Variants in ANKRD24 observed in about 807,000 individuals in gnomAD.
ANKRD24 encodes the protein ankyrin repeat domain-containing protein 24.
ANKRD24 carries 109 observed loss-of-function variants against 127.8 expected under a neutral mutation model. That is an observed-to-expected ratio of 0.85 (90% CI 0.73 to 1.00). The LOEUF is 1.00. ANKRD24 is among the 50% of genes least tolerant of loss of function. ANKRD24 has a pLI of 0.00. For missense variants in ANKRD24, 1,648 were observed against 1,570.2 expected (o/e 1.05, Z -0.84); for synonymous variants, 743 against 671.1 (o/e 1.11, Z -1.66).
In ANKRD24 at chr19:4,199,494, G is replaced by A; in HGVS notation, c.37-189G>A. 1.0e-6 allele frequency: 1 copy of A among 985,426 alleles called. No homozygotes were observed. The highest frequency in any genetic ancestry group is 1.7e-5 in the African/African-American group (1 of 57,384). The allele number at this position is 985,426 out of a possible 1,614,324, so 61.0% of individuals were successfully genotyped here. ...CCCCAGATGCTGGGACTACAGGCGT[G>A]AGCCTCCATGCTCAGCCCAGGGGAC... On this transcript the variant is annotated intron_variant, in intron 2 of 21. Transcript: ENST00000318934. This position sits in a 1 kb window ranked among gnomAD's most constrained non-coding sequence, Gnocchi z 5.2.
At chr19:4,206,264 G>A (rs1288249788) in intron 7 of ANKRD24, among the ~76,000 whole-genome samples, 1 of 151,794 alleles carries the variant, frequency 6.6e-6, no homozygotes, top group African/African-American at 2.4e-5. Context: ...GGAGCCAGAG[G>A]CAGGAGGATT....
chr19:4,191,937 A>C (rs1478045407), intron 2 of ANKRD24, among the ~76,000 whole-genome samples: 2 of 134,966 alleles, frequency 1.5e-5, no homozygotes, highest in East Asian at 4.0e-4. Flanking sequence ...GCCTATCACC[A>C]CGTCTAGCTA....
At chr19:4,193,138 T>TA (rs1286439360) in intron 2 of ANKRD24, among the ~76,000 whole-genome samples, 3 of 150,550 alleles carry the variant, frequency 2.0e-5, no homozygotes, top group Non-Finnish European at 4.4e-5. Flanking sequence ...CCGTATCTAC[T>TA]AAAAAATACA....
chr19:4,208,382 C>T (rs917845260), intron 10 of ANKRD24, among the ~76,000 whole-genome samples: 8 of 152,126 alleles, frequency 5.3e-5, no homozygotes, highest in African/African-American at 1.9e-4. Context: ...AAGCAATTCT[C>T]CTGCCTCACC....
intron 2 of ANKRD24, among the ~76,000 whole-genome samples, chr19:4,197,618 C>A (rs1176498484): frequency 6.6e-6 from 1 of 151,418 alleles, no homozygotes; most frequent in African/African-American, 2.4e-5. Flanking sequence ...AAAGAGTGAG[C>A]AAATAAATGG....
rs1320075383 is a variant in ANKRD24 at position 4,198,573 on chromosome 19, G to A, written c.37-1110G>A. ...GGGGCGCAGGAGCGGGCGGGGCGCGGGTACCTCCTCTCCCCTCCCTTCCCC... is the reference window on the plus strand; with the variant it reads ...GGGGCGCAGGAGCGGGCGGGGCGCGAGTACCTCCTCTCCCCTCCCTTCCCC... On this transcript the variant is annotated intron_variant, in intron 2 of 21. Transcript: ENST00000318934. This position sits in a 1 kb window ranked among gnomAD's most constrained non-coding sequence, Gnocchi z 6.1. The A allele has an allele frequency of 4.0e-6, 2 of 496,192 alleles. No individual in the cohort carries two copies. Among genetic ancestry groups the A allele is most frequent in the Non-Finnish European group, 7.2e-6 (2 of 279,504 alleles). 30.7% of individuals were successfully genotyped at this position (496,192 alleles called of 1,614,324 possible).
chr19:4,194,451 C>T (rs1027973907), intron 2 of ANKRD24, among the ~76,000 whole-genome samples: 2 of 152,142 alleles, frequency 1.3e-5, no homozygotes, highest in African/African-American at 2.4e-5. Flanking sequence ...CCGCACCTAG[C>T]CAGAAATGTG....
intron 2 of ANKRD24, among the ~76,000 whole-genome samples, chr19:4,188,771 T>TGTTTG (rs914134330): frequency 5.9e-5 from 9 of 152,082 alleles, no homozygotes; most frequent in African/African-American, 1.9e-4. Context: ...GCCCCCTCTG[T>TGTTTG]GGCTTCCTTC....
chr19:4,204,648 G>A (rs1220820001), intron 7 of ANKRD24, among the ~76,000 whole-genome samples: 1 of 152,186 alleles, frequency 6.6e-6, no homozygotes, highest in Non-Finnish European at 1.5e-5. Context: ...CCTGTCCGCT[G>A]TCCCCGTGAA....
In ANKRD24 at chr19:4,212,459, C is replaced by T. The variant is rs1418721401; in HGVS notation, c.1060-16C>T. On this transcript the variant is annotated splice_polypyrimidine_tract_variant and intron_variant, in intron 13 of 21. Coordinates refer to ENST00000318934, the MANE Select transcript of ANKRD24 (RefSeq NM_001393985.1). The stretch of plus-strand genomic sequence containing the variant: ...CTTGCCCAGATCCAAACCCCTGTCC[C>T]TGTTTCTCCCGTCAGTCCCCGGAGG... 1.3e-6 allele frequency: 2 copies of T among 1,575,086 alleles called. No individual in the cohort carries two copies. Among genetic ancestry groups the T allele is most frequent in the Non-Finnish European group, 1.7e-6 (2 of 1,162,402 alleles).
chr19:4,184,925 T>TGGAA (rs1967969764), intron 1 of ANKRD24, among the ~76,000 whole-genome samples: 1 of 128,292 alleles, frequency 7.8e-6, no homozygotes, highest in East Asian at 2.4e-4. Flanking sequence ...GATGGATGGA[T>TGGAA]GGAAGGATCC....
chr19:4,193,928 G>T (rs1373756133), intron 2 of ANKRD24, among the ~76,000 whole-genome samples: 1 of 151,810 alleles, frequency 6.6e-6, no homozygotes, highest in Admixed American at 6.6e-5. Context: ...GGCACTGGCA[G>T]AGTGGGGCTG....
intron 2 of ANKRD24, among the ~76,000 whole-genome samples, chr19:4,187,392 A>G (rs1027602188): frequency 6.6e-6 from 1 of 151,820 alleles, no homozygotes; most frequent in South Asian, 2.1e-4. Context: ...CAGCCTGGGC[A>G]ACAGAGTGAG....
chr19:4,192,035 C>T (rs551046227), intron 2 of ANKRD24, among the ~76,000 whole-genome samples: 5 of 150,134 alleles, frequency 3.3e-5, no homozygotes, highest in South Asian at 2.1e-4. Flanking sequence ...ATGAGCCATC[C>T]GCCTCAGCCT....
Position 4,218,031 on chromosome 19 carries a change from G to A in ANKRD24, c.2871G>A (p.Glu957=), listed in dbSNP as rs753963516. The A allele has an allele frequency of 1.3e-6, 2 of 1,559,184 alleles. No homozygotes were observed. Among genetic ancestry groups the A allele is most frequent in the Admixed American group, 1.9e-5 (1 of 53,632 alleles). Residue 957 remains glutamate, a synonymous_variant, in exon 18 of 22, where the codon GAG becomes GAA. Coordinates refer to ENST00000318934, the MANE Select transcript of ANKRD24 (RefSeq NM_001393985.1). ...AARLRAELER[E]RVCSVALSEH... ...GGCTGCGCGCGGAGCTGGAGCGGGA[G>A]CGTGTGTGCAGCGTGGCGCTCTCGG...
rs377415148 is a variant in ANKRD24, at chr19:4,216,747, T to A, written c.1587T>A (p.Ser529Arg). The change falls in exon 18 of 22, where the codon AGT becomes AGA. Residue 529 changes from serine (S) to arginine (R), a missense_variant. Physicochemically the swap from Ser to Arg is moderately radical, Grantham distance 110. Transcript: ENST00000318934. Reference sequence around the variant, plus strand: ...AAGAGGGGGCAGCCTGTGGGGAGAGTGAGGTTGCTGGAGCCACGGCCACCA... The same window carrying A: ...AAGAGGGGGCAGCCTGTGGGGAGAGAGAGGTTGCTGGAGCCACGGCCACCA... ...PREEGAACGE[S>R]EVAGATATKN... is the part of the protein sequence containing the mutation. 7 of 1,577,680 alleles carry A rather than the reference T, an allele frequency of 4.4e-6. No individual in the cohort carries two copies. In the African/African-American group the frequency reaches 6.8e-5, roughly 15 times the overall value.
chr19:4,211,798 C>A (rs1969756387), intron 13 of ANKRD24, among the ~76,000 whole-genome samples: 2 of 151,964 alleles, frequency 1.3e-5, no homozygotes, highest in Admixed American at 1.3e-4. Flanking sequence ...TTAATAAATA[C>A]TTAGAAATGA....
At chr19:4,212,363 T>C in intron 13 of ANKRD24, 112 bp from the exon 14 acceptor site, 1 of 1,279,552 alleles carries the variant, frequency 7.8e-7, no homozygotes, top group South Asian at 1.3e-5. Context: ...AGGTGCTGAA[T>C]AGTTGCACGT....
At chr19:4,197,787 G>T (rs1968835417) in intron 2 of ANKRD24, among the ~76,000 whole-genome samples, 1 of 151,526 alleles carries the variant, frequency 6.6e-6, no homozygotes, top group Non-Finnish European at 1.5e-5. Context: ...ACAAGCGAAT[G>T]AATGAATAAG....
Sources: allele counts gnomAD v4.1 joint callset (sites outside exome capture counted in the v4.1 genomes callset), GRCh38; gene constraint gnomAD v4.1.1; non-coding constraint Gnocchi (gnomAD v3.1); transcripts MANE v1.5; gene names NCBI Gene and HGNC (gene_info 2026-07-23, HGNC 2026-07-21).